Variants in CDC42BPA observed in about 807,000 individuals in gnomAD.
CDC42BPA encodes the protein CDC42 binding protein kinase alpha.
A neutral mutation model predicts 223.5 loss-of-function variants in CDC42BPA; 80 were observed. The observed-to-expected ratio is 0.36, with a 90% CI of 0.30 to 0.43. The LOEUF is 0.43. Ranked by LOEUF, CDC42BPA falls within the 20% of genes least tolerant of loss-of-function variation. The probability of loss-of-function intolerance (pLI) is 1.00; values close to 1 mark genes in which losing one functional copy is unlikely to be tolerated. For synonymous variants in CDC42BPA, 694 were observed against 718.6 expected, an observed-to-expected ratio of 0.97 and a Z score of 0.55; for missense variants, 1,743 against 2,099.9, an observed-to-expected ratio of 0.83 and a Z score of 3.32.
intron 10 of CDC42BPA, among the ~76,000 whole-genome samples, chr1:227,130,253 A>C (rs932023022): frequency 6.6e-6 from 1 of 152,112 alleles, no homozygotes; most frequent in African/African-American, 2.4e-5. Context: ...AGTTAGTGCA[A>C]ATCATTACTG....
intron 12 of CDC42BPA, among the ~76,000 whole-genome samples, chr1:227,119,347 C>T (rs532384794): frequency 1.3e-5 from 2 of 151,972 alleles, no homozygotes; most frequent in South Asian, 2.1e-4. Flanking sequence ...ATAACTTTAG[C>T]TTATTTACCC....
rs764281531 is a variant in CDC42BPA, at chr1:227,051,867, C to A, written c.3009+14G>T. The stretch of plus-strand genomic sequence containing the variant: ...AGTGAAAAGTTGGGGAGCAGGGATG[C>A]TCCAATAAGGCACCTTAACTGGCTC... On this transcript the variant is annotated intron_variant, in intron 22 of 36. Transcript: ENST00000366766. The A allele has an allele frequency of 1.0e-5, 14 of 1,344,648 alleles. No homozygotes were observed. The highest frequency in any genetic ancestry group is 1.5e-5 in the African/African-American group (1 of 67,258). The allele number at this position is 1,344,648 out of a possible 1,614,324, so 83.3% of individuals were successfully genotyped here.
chr1:227,148,076 GA>G (rs1661014348), intron 6 of CDC42BPA, among the ~76,000 whole-genome samples: 1 of 152,072 alleles, frequency 6.6e-6, no homozygotes, highest in East Asian at 1.9e-4. Flanking sequence ...AACTATAAAA[GA>G]AGAGGTATAT....
chr1:227,237,598 A>G (rs1679284614), intron 2 of CDC42BPA, among the ~76,000 whole-genome samples: 1 of 152,132 alleles, frequency 6.6e-6, no homozygotes, highest in Admixed American at 6.5e-5. Flanking sequence ...CCGGTTGCCT[A>G]ATGTCAGATA....
intron 6 of CDC42BPA, among the ~76,000 whole-genome samples, chr1:227,148,162 C>A (rs928589145): frequency 6.6e-6 from 1 of 152,018 alleles, no homozygotes; most frequent in East Asian, 1.9e-4. Flanking sequence ...AATTAGAAAA[C>A]AGGTAATTAA....
In CDC42BPA at chr1:227,143,030, G is replaced by C; in HGVS notation, c.1144-6C>G. On this transcript the variant is annotated splice_region_variant and splice_polypyrimidine_tract_variant and intron_variant, in intron 8 of 36. Transcript: ENST00000366766. The stretch of plus-strand genomic sequence containing the variant: ...GTTGGTGGGGGCATCGTTTCCTAAA[G>C]GAGGAAAAAACATCTGGTAAGAAAT... The C allele has an allele frequency of 6.6e-7, 1 of 1,510,478 alleles. No homozygotes were observed. The highest frequency in any genetic ancestry group is 1.5e-5 in the African/African-American group (1 of 68,252). 93.6% of individuals were successfully genotyped at this position (1,510,478 alleles called of 1,614,324 possible).
intron 21 of CDC42BPA, among the ~76,000 whole-genome samples, chr1:227,062,860 C>T (rs1676214926): frequency 2.0e-5 from 3 of 151,294 alleles, no homozygotes; most frequent in African/African-American, 7.3e-5. Flanking sequence ...TTGGCTATCT[C>T]TACTTCTAGA....
chr1:227,056,736 T>C (rs1404495828), intron 21 of CDC42BPA, among the ~76,000 whole-genome samples: 1 of 152,202 alleles, frequency 6.6e-6, no homozygotes, highest in East Asian at 1.9e-4. Flanking sequence ...GCTAGAAGTA[T>C]TTTGAAAACA....
intron 2 of CDC42BPA, among the ~76,000 whole-genome samples, chr1:227,239,100 G>C (rs1679586196): frequency 6.6e-6 from 1 of 152,118 alleles, no homozygotes; most frequent in African/African-American, 2.4e-5. Flanking sequence ...GCACTAAAAA[G>C]AAAAGAGCTA....
At chr1:227,264,637 T>C in intron 1 of CDC42BPA, 2 of 513,800 alleles carry the variant, frequency 3.9e-6, no homozygotes, top group Non-Finnish European at 6.9e-6. Context: ...TATACATTAA[T>C]TAATGTTGCC....
At chr1:227,098,057 G>A (rs1283219635) in intron 15 of CDC42BPA, among the ~76,000 whole-genome samples, 3 of 152,150 alleles carry the variant, frequency 2.0e-5, no homozygotes, top group Non-Finnish European at 4.4e-5. Flanking sequence ...GTCTCTCCCT[G>A]TCTTATGCCC....
chr1:227,165,451 T>G (rs1202555208), intron 5 of CDC42BPA, among the ~76,000 whole-genome samples: 1 of 147,666 alleles, frequency 6.8e-6, no homozygotes, highest in Non-Finnish European at 1.5e-5. Flanking sequence ...AAAGGAAATT[T>G]TAAGAGTACT....
At chr1:227,139,804 AAC>A in intron 9 of CDC42BPA, 62 bp from the exon 10 acceptor site, 1 of 1,086,488 alleles carries the variant, frequency 9.2e-7, no homozygotes. Flanking sequence ...GAAAAACGTT[AAC>A]ATTTTTTAAA....
chr1:227,158,816 T>C (rs1442424851), intron 6 of CDC42BPA, among the ~76,000 whole-genome samples: 1 of 152,182 alleles, frequency 6.6e-6, no homozygotes, highest in Non-Finnish European at 1.5e-5. Flanking sequence ...TGTGGTACAA[T>C]GCACAGCCCA....
chr1:227,106,551 A>C (rs1685967840), intron 14 of CDC42BPA, among the ~76,000 whole-genome samples: 1 of 152,158 alleles, frequency 6.6e-6, no homozygotes, highest in Non-Finnish European at 1.5e-5. Context: ...ATTCAGGGTA[A>C]TGCCAGCTTC....
At chr1:227,063,008 C>T (rs756628650) in intron 21 of CDC42BPA, among the ~76,000 whole-genome samples, 10 of 152,046 alleles carry the variant, frequency 6.6e-5, no homozygotes, top group Non-Finnish European at 1.2e-4. Flanking sequence ...TTTTCTAAGC[C>T]AATACCATTT....
At chr1:227,199,470 A>G in intron 4 of CDC42BPA, 87 bp downstream of exon 4, 1 of 782,112 alleles carries the variant, frequency 1.3e-6, no homozygotes, top group Non-Finnish European at 2.1e-6. Context: ...TCTATATGAA[A>G]CCTACATTTA....
intron 34 of CDC42BPA, among the ~76,000 whole-genome samples, chr1:227,010,201 A>T (rs1664902746): frequency 6.6e-6 from 1 of 152,230 alleles, no homozygotes; most frequent in Non-Finnish European, 1.5e-5. Flanking sequence ...AGAGACCAAC[A>T]GCAGCTGCCA....
At chr1:227,210,079 G>C (rs1673600276) in intron 3 of CDC42BPA, among the ~76,000 whole-genome samples, 1 of 152,132 alleles carries the variant, frequency 6.6e-6, no homozygotes, top group African/African-American at 2.4e-5. Context: ...TCCTGGTTTA[G>C]TCTTGGGAGA....
Sources: allele counts gnomAD v4.1 joint callset (sites outside exome capture counted in the v4.1 genomes callset), GRCh38; gene constraint gnomAD v4.1.1; transcripts MANE v1.5; gene names NCBI Gene and HGNC (gene_info 2026-07-23, HGNC 2026-07-21).